The following MCF2L2 variants were observed in gnomAD, a reference collection of about 807,000 sequenced individuals.
The protein encoded by MCF2L2 is MCF.2 cell line derived transforming sequence-like 2, also known as probable guanine nucleotide exchange factor MCF2L2.
MCF2L2 carries 102 observed loss-of-function variants against 150.2 expected under a neutral mutation model. The ratio of observed to expected loss-of-function variants is 0.68; its 90% CI spans 0.58 to 0.80. The LOEUF (loss-of-function observed/expected upper bound fraction) is 0.80. MCF2L2 is among the 30% of genes least tolerant of loss of function. MCF2L2 has a pLI of 0.00. For missense variants in MCF2L2, 1,256 were observed against 1,372.8 expected (o/e 0.91, Z 1.34); for synonymous variants, 465 against 491.3 (o/e 0.95, Z 0.71).
At chr3:183,235,015 A>G (rs1723755452) in intron 15 of MCF2L2, among the ~76,000 whole-genome samples, 1 of 50,040 alleles carries the variant, frequency 2.0e-5, no homozygotes, top group African/African-American at 9.9e-5. Flanking sequence ...TGTCCCTACA[A>G]AGGATATGAA....
intron 25 of MCF2L2, among the ~76,000 whole-genome samples, chr3:183,202,812 TTA>T (rs1430565342): frequency 2.6e-5 from 4 of 152,216 alleles, no homozygotes; most frequent in South Asian, 2.1e-4. Context: ...AGTTGCTACA[TTA>T]TGTTATTTAA....
intron 1 of MCF2L2, among the ~76,000 whole-genome samples, chr3:183,404,927 C>T (rs1396437351): frequency 6.6e-6 from 1 of 151,950 alleles, no homozygotes. Flanking sequence ...ATGCTCCTTG[C>T]ATCTTAAAAA....
At chr3:183,307,827 G>A (rs946403162) in intron 10 of MCF2L2, among the ~76,000 whole-genome samples, 5 of 152,214 alleles carry the variant, frequency 3.3e-5, no homozygotes, top group African/African-American at 1.2e-4. Context: ...CCTGGCCTCT[G>A]CTCATCTCTG....
Position 183,297,101 on chromosome 3 carries a change from G to C in MCF2L2, c.1372C>G (p.Arg458Gly), listed in dbSNP as rs754136583. 3.7e-6 allele frequency: 6 copies of C among 1,614,012 alleles called. No individual in the cohort carries two copies. Among genetic ancestry groups the C allele is most frequent in the South Asian group, 1.1e-5 (1 of 91,080 alleles). ...ASQAVDKCQS[R>G]EGVDIALNDI... The stretch of plus-strand genomic sequence containing the variant: ...TTCAAGGCGATATCAACCCCTTCTC[G>C]AGACTGGCACTTGTCTACAGCTTGG... The change falls in exon 12 of 30, where the codon CGA becomes GGA. Residue 458 changes from arginine (R) to glycine (G), a missense_variant. Coordinates refer to ENST00000328913, the MANE Select transcript of MCF2L2 (RefSeq NM_015078.4).
At chr3:183,280,039 AGG>A (rs1309914579) in intron 14 of MCF2L2, among the ~76,000 whole-genome samples, 1 of 150,692 alleles carries the variant, frequency 6.6e-6, no homozygotes, top group Non-Finnish European at 1.5e-5. Context: ...AAAAAAAAAA[AGG>A]AGGGGGTGGC....
At chr3:183,254,086 C>A (rs1724787296) in intron 15 of MCF2L2, 1 of 151,926 alleles carries the variant, frequency 6.6e-6, no homozygotes, top group Non-Finnish European at 1.5e-5. Context: ...CGCCCCGCCG[C>A]GCCTCCTCGG....
In MCF2L2 at chr3:183,181,159, A is replaced by G. The variant is rs1721505136; in HGVS notation, c.3017-1000T>C. ...GGGCATTCTGGGCAGAGGCATGGCC[A>G]GAGGGCGGTAGGCGGCAGTGGAGGG... On this transcript the variant is annotated intron_variant, in intron 27 of 29. Transcript: ENST00000328913. This position sits in a 1 kb window ranked among gnomAD's most constrained non-coding sequence, Gnocchi z 4.3. Among the ~76,000 whole-genome samples the G allele has an allele frequency of 6.6e-6, 1 of 152,212 alleles. No individual in the cohort carries two copies. Among genetic ancestry groups the G allele is most frequent in the African/African-American group, 2.4e-5 (1 of 41,458 alleles).
chr3:183,268,771 A>C (rs1726410827), intron 15 of MCF2L2, among the ~76,000 whole-genome samples: 1 of 152,188 alleles, frequency 6.6e-6, no homozygotes, highest in Admixed American at 6.5e-5. Context: ...TGGTACAAGA[A>C]ACCGTAAGTG....
At chr3:183,369,448 A>G (rs1427861309) in intron 3 of MCF2L2, among the ~76,000 whole-genome samples, 2 of 152,166 alleles carry the variant, frequency 1.3e-5, no homozygotes, top group Non-Finnish European at 1.5e-5. Flanking sequence ...AGGGCCAAAT[A>G]TTCCACCCTC....
chr3:183,301,921 G>A (rs1378202182), intron 10 of MCF2L2, among the ~76,000 whole-genome samples: 1 of 152,190 alleles, frequency 6.6e-6, no homozygotes, highest in Non-Finnish European at 1.5e-5. Flanking sequence ...TCCATTCCCT[G>A]ATGTGAATGG....
intron 21 of MCF2L2, among the ~76,000 whole-genome samples, chr3:183,217,221 G>T (rs533395576): frequency 6.7e-6 from 1 of 149,226 alleles, no homozygotes; most frequent in South Asian, 2.1e-4. Flanking sequence ...TTGAACCCAG[G>T]AGGCGGAGGT....
chr3:183,339,533 T>C (rs1730618056), intron 4 of MCF2L2, among the ~76,000 whole-genome samples: 1 of 152,242 alleles, frequency 6.6e-6, no homozygotes. Context: ...GAATATTTTC[T>C]TAGGCTAGAG....
intron 22 of MCF2L2, among the ~76,000 whole-genome samples, chr3:183,213,085 G>A (rs1330992652): frequency 6.6e-6 from 1 of 151,948 alleles, no homozygotes. Flanking sequence ...ATAAAATCCT[G>A]GCCCTAGCTC....
In MCF2L2 at chr3:183,213,674, T is replaced by G. The variant is rs187418456; in HGVS notation, c.2496+2295A>C. On this transcript the variant is annotated intron_variant, in intron 22 of 29. Coordinates refer to ENST00000328913, the MANE Select transcript of MCF2L2 (RefSeq NM_015078.4). Reference sequence around the variant, plus strand: ...AGAGGCAGTTGTCAGTCAATTCTAATCAGAAACAGATAAAGAGTGGAATAG... The same window carrying G: ...AGAGGCAGTTGTCAGTCAATTCTAAGCAGAAACAGATAAAGAGTGGAATAG... Among the ~76,000 whole-genome samples, 32 of 152,246 alleles carry G rather than the reference T, an allele frequency of 2.1e-4. No homozygotes were observed. In the East Asian group the frequency reaches 6.0e-3, roughly 28 times the overall value.
intron 27 of MCF2L2, among the ~76,000 whole-genome samples, chr3:183,190,423 A>G (rs1721842783): frequency 6.6e-6 from 1 of 152,230 alleles, no homozygotes; most frequent in Non-Finnish European, 1.5e-5. Context: ...GTTCCCCAGA[A>G]GCAGATTATG....
chr3:183,414,863 C>A (rs1157268430), intron 1 of MCF2L2, among the ~76,000 whole-genome samples: 2 of 152,072 alleles, frequency 1.3e-5, no homozygotes, highest in Non-Finnish European at 2.9e-5. Flanking sequence ...TTTCACATTT[C>A]CTTCTGTTGT....
chr3:183,266,358 T>C (rs79049130), intron 15 of MCF2L2, among the ~76,000 whole-genome samples: 3,968 of 152,348 alleles, frequency 0.026, 160 homozygotes, highest in African/African-American at 0.09. Flanking sequence ...AAAGGTTACT[T>C]TCCTCTTTGT....
intron 3 of MCF2L2, chr3:183,375,290 A>G (rs1435050650): frequency 6.6e-6 from 1 of 152,162 alleles, no homozygotes; most frequent in African/African-American, 2.4e-5. Context: ...CTGTAACAGT[A>G]GTTTCTAATA....
chr3:183,216,157 A>C, intron 21 of MCF2L2, 63 bp from the exon 22 acceptor site: 1 of 1,578,834 alleles, frequency 6.3e-7, no homozygotes, highest in African/African-American at 1.3e-5. Context: ...GAAGAAGGAA[A>C]ACAGGACAGA....
Sources: allele counts gnomAD v4.1 joint callset (sites outside exome capture counted in the v4.1 genomes callset), GRCh38; gene constraint gnomAD v4.1.1; non-coding constraint Gnocchi (gnomAD v3.1); transcripts MANE v1.5; gene names NCBI Gene and HGNC (gene_info 2026-07-23, HGNC 2026-07-21).